The following DLGAP1 variants were observed in gnomAD, a reference collection of about 807,000 sequenced individuals.
The protein encoded by DLGAP1 is DLG associated protein 1.
Under a neutral mutation model 90.8 loss-of-function variants are expected in DLGAP1, and 11 were observed. That is an observed-to-expected ratio of 0.12 (90% CI 0.08 to 0.20). DLGAP1 has a LOEUF of 0.20. Ranked by LOEUF, DLGAP1 falls within the 10% of genes least tolerant of loss-of-function variation. DLGAP1 has a pLI of 1.00. For synonymous variants in DLGAP1, 558 were observed against 540.7 expected, an observed-to-expected ratio of 1.03 and a Z score of -0.44; for missense variants, 1,050 against 1,333.8, an observed-to-expected ratio of 0.79 and a Z score of 3.31.
intron 8 of DLGAP1, among the ~76,000 whole-genome samples, chr18:3,573,559 G>C (rs1324990790): frequency 2.0e-5 from 3 of 151,596 alleles, no homozygotes; most frequent in Non-Finnish European, 4.4e-5. Flanking sequence ...AATAACATAG[G>C]AATTATTTGC....
At chr18:3,575,224 G>T (rs1242593577) in intron 8 of DLGAP1, among the ~76,000 whole-genome samples, 1 of 152,028 alleles carries the variant, frequency 6.6e-6, no homozygotes, top group East Asian at 1.9e-4. Flanking sequence ...CTTCACATAA[G>T]CATAAAATAT....
chr18:3,966,962 AGAG>A (rs1294014434), intron 3 of DLGAP1, among the ~76,000 whole-genome samples: 2 of 152,038 alleles, frequency 1.3e-5, no homozygotes, highest in Admixed American at 6.6e-5. Context: ...GAGGTCCAAG[AGAG>A]GAGGAGGAGG....
chr18:4,237,407 T>C (rs2078440759), intron 1 of DLGAP1, among the ~76,000 whole-genome samples: 1 of 152,046 alleles, frequency 6.6e-6, no homozygotes, highest in Non-Finnish European at 1.5e-5. Flanking sequence ...CCTCCTTTTG[T>C]TAGGATTTTC....
intron 5 of DLGAP1, among the ~76,000 whole-genome samples, chr18:3,786,823 CTCCTCTAGTTATCAGAAACTTGGT>C (rs1327590946): frequency 6.6e-6 from 1 of 152,168 alleles, no homozygotes; most frequent in African/African-American, 2.4e-5. Flanking sequence ...TGGACAATGT[CTCCTCTAGTTATCAGAAACTTGGT>C]ATTAATGACG....
At chr18:4,010,707 C>T (rs1210588424) in intron 2 of DLGAP1, among the ~76,000 whole-genome samples, 2 of 152,092 alleles carry the variant, frequency 1.3e-5, no homozygotes, top group Admixed American at 6.5e-5. Context: ...CAGGGTTGCT[C>T]GTTAGCTCCT....
At chr18:3,598,487 AGCCAGAGTCTGG>A (rs2056718991) in intron 7 of DLGAP1, 1 of 61,616 alleles carries the variant, frequency 1.6e-5, no homozygotes, top group Non-Finnish European at 3.2e-5. Context: ...TTTTTTTTTG[AGCCAGAGTCTGG>A]CTCTGTCACC....
intron 7 of DLGAP1, among the ~76,000 whole-genome samples, chr18:3,719,409 T>C (rs922934432): frequency 7.9e-5 from 12 of 151,424 alleles, no homozygotes; most frequent in African/African-American, 2.9e-4. Context: ...ATACAAAAAA[T>C]TAGCCGGGTG....
At chr18:3,777,576 G>A (rs1309390867) in intron 5 of DLGAP1, among the ~76,000 whole-genome samples, 1 of 152,102 alleles carries the variant, frequency 6.6e-6, no homozygotes, top group Non-Finnish European at 1.5e-5. Flanking sequence ...AAGCAAAGCA[G>A]TTCTAAGCCT....
chr18:4,008,932 C>A (rs767304245), intron 2 of DLGAP1, among the ~76,000 whole-genome samples: 2 of 151,902 alleles, frequency 1.3e-5, no homozygotes, highest in Non-Finnish European at 1.5e-5. Flanking sequence ...GAAACGGAGT[C>A]TCGCTCCGTC....
intron 9 of DLGAP1, among the ~76,000 whole-genome samples, chr18:3,563,759 G>A (rs1027662589): frequency 6.6e-6 from 1 of 152,100 alleles, no homozygotes; most frequent in African/African-American, 2.4e-5. Flanking sequence ...ATGAGCCACC[G>A]TGCCCAGCTG....
intron 3 of DLGAP1, among the ~76,000 whole-genome samples, chr18:3,966,043 A>G (rs2073323424): frequency 6.6e-6 from 1 of 151,982 alleles, no homozygotes; most frequent in Non-Finnish European, 1.5e-5. Flanking sequence ...CAAATACTTA[A>G]GTAAACAACC....
chr18:4,241,523 G>T (rs117489797), intron 1 of DLGAP1, among the ~76,000 whole-genome samples: 2,850 of 152,140 alleles, frequency 0.019, 36 homozygotes, highest in Non-Finnish European at 0.027. Context: ...AAAAATGGTC[G>T]CATATGAAAT....
intron 3 of DLGAP1, among the ~76,000 whole-genome samples, chr18:3,994,072 G>C (rs188573447): frequency 6.1e-3 from 922 of 152,204 alleles, no homozygotes; most frequent in South Asian, 0.012. Context: ...TGTTTATTAA[G>C]AGTGAGAATG....
intron 1 of DLGAP1, among the ~76,000 whole-genome samples, chr18:4,453,827 C>G (rs939956542): frequency 2.6e-5 from 4 of 152,226 alleles, no homozygotes; most frequent in African/African-American, 7.2e-5. Context: ...GAGTCAGTCT[C>G]TGTGTCAGGA....
At chr18:4,234,076 C>G (rs754525011) in intron 1 of DLGAP1, among the ~76,000 whole-genome samples, 2 of 150,868 alleles carry the variant, frequency 1.3e-5, no homozygotes, top group Non-Finnish European at 3.0e-5. Flanking sequence ...CCTCCAAACA[C>G]AAGCCATGTA....
At chr18:4,271,024 T>C (rs1598775340) in intron 1 of DLGAP1, among the ~76,000 whole-genome samples, 1 of 152,160 alleles carries the variant, frequency 6.6e-6, no homozygotes, top group Admixed American at 6.5e-5. Flanking sequence ...TAAAGGCAGG[T>C]TTCCATCCTG....
rs2067816572 is a variant in DLGAP1, at chr18:3,828,058, G to A, written c.958-13785C>T. Reference sequence around the variant, plus strand: ...GTCTTTAGTTACCTTTACTTTTACTGATTGTACTTCTGTACTGATTGTAGT... The same window carrying A: ...GTCTTTAGTTACCTTTACTTTTACTAATTGTACTTCTGTACTGATTGTAGT... On this transcript the variant is annotated intron_variant, in intron 4 of 12. Coordinates refer to ENST00000315677, the MANE Select transcript of DLGAP1 (RefSeq NM_004746.4). Among the ~76,000 whole-genome samples the A allele has an allele frequency of 2.6e-5, 4 of 152,144 alleles. No homozygotes were observed. The South Asian group carries it at 8.3e-4, about 32-fold the overall frequency.
chr18:3,838,641 T>C (rs1374528763), intron 4 of DLGAP1, among the ~76,000 whole-genome samples: 1 of 152,262 alleles, frequency 6.6e-6, no homozygotes, highest in African/African-American at 2.4e-5. Context: ...TAGTGATATA[T>C]TTAATTCATC....
intron 1 of DLGAP1, among the ~76,000 whole-genome samples, chr18:4,184,038 C>T (rs1215081651): frequency 3.3e-5 from 5 of 152,158 alleles, no homozygotes; most frequent in African/African-American, 7.2e-5. Context: ...AGCCAGTTTA[C>T]GCAAAGCAAA....
Sources: gnomAD v4.1 joint callset for allele counts (sites outside exome capture counted in the v4.1 genomes callset) on GRCh38, gnomAD v4.1.1 for gene constraint, MANE v1.5 for transcripts, NCBI Gene and HGNC (gene_info 2026-07-23, HGNC 2026-07-21) for gene names.